SCIN: variants seen among roughly 807,000 people sequenced by gnomAD.
SCIN encodes the protein adseverin.
A neutral mutation model predicts 91.8 loss-of-function variants in SCIN; 91 were observed. That is an observed-to-expected ratio of 0.99 (90% CI 0.84 to 1.18). The LOEUF is 1.18. Ranked by LOEUF, SCIN falls within the 50% of genes most tolerant of loss-of-function variation. SCIN has a pLI of 0.00. For synonymous variants in SCIN, 367 were observed against 312.6 expected, an observed-to-expected ratio of 1.17 and a Z score of -1.84; for missense variants, 1,087 against 863.9, an observed-to-expected ratio of 1.26 and a Z score of -3.24.
At chr7:12,583,027 G>T (rs1209747172) in intron 3 of SCIN, among the ~76,000 whole-genome samples, 1 of 151,918 alleles carries the variant, frequency 6.6e-6, no homozygotes, top group South Asian at 2.1e-4. Context: ...ATTTGAGTAG[G>T]TGATCGCGAG....
chr7:12,629,062 G>A (rs758541322), intron 8 of SCIN, 39 bp from the exon 9 acceptor site: 1 of 1,528,318 alleles, frequency 6.5e-7, no homozygotes, highest in Non-Finnish European at 8.8e-7. Flanking sequence ...ATTAGATCAA[G>A]AAAATTGTAA....
intron 7 of SCIN, chr7:12,626,105 C>T: frequency 2.3e-6 from 1 of 432,878 alleles, no homozygotes; most frequent in Non-Finnish European, 4.1e-6. Flanking sequence ...AGATAGTAAA[C>T]CACAGTAGGT....
chr7:12,598,099 A>C (rs1171227487), intron 3 of SCIN, among the ~76,000 whole-genome samples: 1 of 152,092 alleles, frequency 6.6e-6, no homozygotes, highest in Non-Finnish European at 1.5e-5. Context: ...AGCATACTTA[A>C]ATCAAGTCAA....
intron 4 of SCIN, among the ~76,000 whole-genome samples, chr7:12,605,656 C>T (rs1583294674): frequency 6.6e-6 from 1 of 152,126 alleles, no homozygotes; most frequent in African/African-American, 2.4e-5. Context: ...GGAATTTCCA[C>T]TTGTGGCATA....
rs200060312 is a variant in SCIN at position 12,649,488 on chromosome 7, T to A, written c.1903T>A (p.Phe635Ile). 136 of 1,601,466 alleles carry A rather than the reference T, an allele frequency of 8.5e-5. 1 individual carries two copies. In the East Asian group the frequency reaches 3.0e-3, roughly 36 times the overall value. ...TCAGATTGAAGAGATTCCAGGAGAG[T>A]TCACCCAGGATGATTTAGCTGAAGA... ...RFVIEEIPGE[F>I]TQDDLAEDDV... The change falls in exon 14 of 16, where the codon TTC becomes ATC. Residue 635 changes from phenylalanine (F) to isoleucine (I), a missense_variant. Physicochemically the swap from Phe to Ile is conservative, Grantham distance 21. Transcript: ENST00000297029.
chr7:12,649,650 T>A, intron 14 of SCIN, 106 bp downstream of exon 14: 3 of 596,252 alleles, frequency 5.0e-6, no homozygotes, highest in Non-Finnish European at 8.4e-6. Flanking sequence ...CCTAGAGATT[T>A]AGGCTGTATT....
chr7:12,634,818 C>T lies in SCIN; in HGVS notation c.1320-1227C>T, dbSNP rs990707800. On this transcript the variant is annotated intron_variant, in intron 9 of 15. Coordinates refer to ENST00000297029, the MANE Select transcript of SCIN (RefSeq NM_001112706.3). ...CAAGCCACCCTAGAAAGAGAGGCTA[C>T]GAATGAACTGGACATGTTGATTGAC... Among the ~76,000 whole-genome samples, 8 of 152,124 alleles carry T rather than the reference C, an allele frequency of 5.3e-5. No individual in the cohort carries two copies. The East Asian group carries it at 7.7e-4, about 15-fold the overall frequency.
At chr7:12,573,138 C>T (rs1358022734) in intron 1 of SCIN, among the ~76,000 whole-genome samples, 1 of 152,100 alleles carries the variant, frequency 6.6e-6, no homozygotes, top group Non-Finnish European at 1.5e-5. Context: ...TACTTCAGTT[C>T]CCTAAGAAAA....
intron 3 of SCIN, among the ~76,000 whole-genome samples, chr7:12,586,380 A>T (rs1782586760): frequency 6.6e-6 from 1 of 152,220 alleles, no homozygotes; most frequent in Non-Finnish European, 1.5e-5. Flanking sequence ...CCACTATGAG[A>T]TATCATCTTA....
At chr7:12,641,348 G>C (rs1022275757) in intron 11 of SCIN, among the ~76,000 whole-genome samples, 1 of 152,138 alleles carries the variant, frequency 6.6e-6, no homozygotes, top group African/African-American at 2.4e-5. Context: ...CTCTCAAGTG[G>C]AACTTGTGTT....
chr7:12,633,240 A>G (rs1454518250), intron 9 of SCIN, among the ~76,000 whole-genome samples: 2 of 152,224 alleles, frequency 1.3e-5, no homozygotes, highest in East Asian at 3.8e-4. Context: ...AAATTCAGCA[A>G]TGATATTTTA....
intron 8 of SCIN, among the ~76,000 whole-genome samples, chr7:12,628,252 G>C (rs2115277448): frequency 6.6e-6 from 1 of 152,146 alleles, no homozygotes; most frequent in East Asian, 1.9e-4. Flanking sequence ...TTCCTGGATG[G>C]CACCTTTTAA....
chr7:12,606,539 T>C (rs1420524630), intron 4 of SCIN, among the ~76,000 whole-genome samples: 1 of 152,194 alleles, frequency 6.6e-6, no homozygotes, highest in East Asian at 1.9e-4. Flanking sequence ...AATGATGTTT[T>C]GGAAATAATT....
At chr7:12,643,573 T>C (rs540962816) in intron 11 of SCIN, among the ~76,000 whole-genome samples, 2 of 152,344 alleles carry the variant, frequency 1.3e-5, no homozygotes, top group East Asian at 3.9e-4. Flanking sequence ...CAGCCATTCC[T>C]TCCACCTCTA....
At chr7:12,628,350 T>C (rs1354265113) in intron 8 of SCIN, among the ~76,000 whole-genome samples, 4 of 152,158 alleles carry the variant, frequency 2.6e-5, no homozygotes, top group Non-Finnish European at 5.9e-5. Flanking sequence ...AGCAGAAACA[T>C]GTATTTCTCA....
At chr7:12,592,833 G>C (rs916013515) in intron 3 of SCIN, among the ~76,000 whole-genome samples, 5 of 152,290 alleles carry the variant, frequency 3.3e-5, no homozygotes, top group African/African-American at 1.2e-4. Flanking sequence ...AGGCAAAGCT[G>C]AGTAGGTGGC....
rs1327982236 is a variant in SCIN at position 12,626,991 on chromosome 7, G to A, written c.1197+192G>A. On this transcript the variant is annotated intron_variant, in intron 8 of 15. Coordinates refer to ENST00000297029, the MANE Select transcript of SCIN (RefSeq NM_001112706.3). The stretch of plus-strand genomic sequence containing the variant: ...CATAGTCCTAGCTACTTGGTAGGCT[G>A]AGGCATGAGAATCGCGTGAGCCTGG... 2.6e-5 allele frequency among the ~76,000 whole-genome samples: 4 copies of A among 152,192 alleles called. No individual in the cohort carries two copies. In the East Asian group the frequency reaches 7.8e-4, roughly 30 times the overall value.
At chr7:12,578,309 G>A (rs1782417442) in intron 2 of SCIN, 91 bp downstream of exon 2, 1 of 1,214,560 alleles carries the variant, frequency 8.2e-7, no homozygotes, top group Non-Finnish European at 1.1e-6. Flanking sequence ...TTCGTTGAGG[G>A]CAGGGGTTTT....
chr7:12,586,025 T>C (rs1364897219), intron 3 of SCIN, among the ~76,000 whole-genome samples: 2 of 152,226 alleles, frequency 1.3e-5, no homozygotes, highest in Non-Finnish European at 2.9e-5. Context: ...TTCCCTGTCA[T>C]TATGCAGAGA....
Sources: allele counts gnomAD v4.1 joint callset (sites outside exome capture counted in the v4.1 genomes callset), GRCh38; gene constraint gnomAD v4.1.1; transcripts MANE v1.5; gene names NCBI Gene and HGNC (gene_info 2026-07-23, HGNC 2026-07-21).